Variants in ZNF131 observed in about 807,000 individuals in gnomAD.
ZNF131 encodes zinc finger protein 131.
ZNF131 carries 7 observed loss-of-function variants against 60.0 expected under a neutral mutation model. That is an observed-to-expected ratio of 0.12 (90% CI 0.07 to 0.22). The LOEUF is 0.22. Among genes scored for constraint, ZNF131 ranks in the 10% least tolerant of loss-of-function variants. The probability of loss-of-function intolerance (pLI) is 1.00; values close to 1 mark genes in which losing one functional copy is unlikely to be tolerated. For synonymous variants in ZNF131, 257 were observed against 253.2 expected (o/e 1.01, Z -0.14); for missense variants, 493 against 740.9 (o/e 0.67, Z 3.88).
At chr5:43,122,283 T>C (rs1743965161) in intron 2 of ZNF131, 106 bp downstream of exon 2, 1 of 1,336,462 alleles carries the variant, frequency 7.5e-7, no homozygotes, top group Non-Finnish European at 1.0e-6. Flanking sequence ...CCATCCTCTA[T>C]GGTCTCCCTA....
intron 2 of ZNF131, 26 bp downstream of exon 2, chr5:43,122,203 C>A (rs750114096): frequency 5.7e-6 from 9 of 1,566,064 alleles, no homozygotes; most frequent in Non-Finnish European, 7.7e-6. Context: ...GGCAGAGGAG[C>A]GAATTTTTGG....
chr5:43,137,481 C>T (rs1454575461), intron 3 of ZNF131, among the ~76,000 whole-genome samples: 1 of 150,510 alleles, frequency 6.6e-6, no homozygotes, highest in Non-Finnish European at 1.5e-5. Context: ...CCAACAGATA[C>T]ATGAAAAAAA....
intron 3 of ZNF131, among the ~76,000 whole-genome samples, chr5:43,134,382 A>G (rs1207113554): frequency 6.6e-6 from 1 of 152,198 alleles, no homozygotes; most frequent in Non-Finnish European, 1.5e-5. Flanking sequence ...TCTCAACATA[A>G]TAAAGGCCCA....
chr5:43,144,664 G>A (rs1747351993), intron 4 of ZNF131, among the ~76,000 whole-genome samples: 1 of 152,056 alleles, frequency 6.6e-6, no homozygotes, highest in Non-Finnish European at 1.5e-5. Context: ...GCCATTGATT[G>A]TTTTTTGACA....
chr5:43,132,385 C>T (rs934292939), intron 3 of ZNF131, among the ~76,000 whole-genome samples: 2 of 151,692 alleles, frequency 1.3e-5, no homozygotes, highest in African/African-American at 4.8e-5. Flanking sequence ...ATTCAGATTG[C>T]TTTTAGACGT....
At chr5:43,144,943 G>A (rs990282660) in intron 4 of ZNF131, among the ~76,000 whole-genome samples, 7 of 151,630 alleles carry the variant, frequency 4.6e-5, no homozygotes, top group African/African-American at 1.7e-4. Context: ...TCCTTACTGA[G>A]CCAAGCAGAT....
Position 43,120,962 on chromosome 5 carries a change from G to C in ZNF131, c.-177G>C, listed in dbSNP as rs918403560. ...CAACCGAACGCACGTGCGCCAGCGG[G>C]GCCCGAGCAGAAGGGGAGCCCCGGC... On this transcript the variant is annotated 5_prime_UTR_variant, in exon 1 of 7. Transcript: ENST00000682664. The C allele has an allele frequency of 3.9e-5, 6 of 152,260 alleles. No homozygotes were observed. The highest frequency in any genetic ancestry group is 1.4e-4 in the African/African-American group (6 of 41,472). The allele number at this position is 152,260 out of a possible 1,614,324, so 9.4% of individuals were successfully genotyped here.
intron 5 of ZNF131, among the ~76,000 whole-genome samples, chr5:43,167,652 T>C (rs1750525408): frequency 6.6e-6 from 1 of 152,150 alleles, no homozygotes; most frequent in African/African-American, 2.4e-5. Flanking sequence ...ATTTGGAAAA[T>C]AGTAATGATA....
chr5:43,161,146 A>G (rs535402475), intron 4 of ZNF131, 103 bp from the exon 5 acceptor site: 2 of 1,063,812 alleles, frequency 1.9e-6, no homozygotes, highest in South Asian at 1.6e-5. Context: ...GTCTTGTTTT[A>G]TAACTGTTTA....
chr5:43,139,079 C>G (rs762458378), intron 3 of ZNF131, 86 bp from the exon 4 acceptor site: 17 of 1,167,684 alleles, frequency 1.5e-5, no homozygotes, highest in Non-Finnish European at 1.9e-5. Context: ...CAACAAGCTC[C>G]AAGCCCTGGG....
At chr5:43,128,809 T>C (rs1744925605) in intron 3 of ZNF131, among the ~76,000 whole-genome samples, 1 of 151,794 alleles carries the variant, frequency 6.6e-6, no homozygotes, top group Admixed American at 6.6e-5. Context: ...TGGAGTGCAG[T>C]GTACCATCAT....
At chr5:43,150,921 C>T (rs939274495) in intron 4 of ZNF131, among the ~76,000 whole-genome samples, 1 of 152,212 alleles carries the variant, frequency 6.6e-6, no homozygotes. Context: ...ATCATGCACC[C>T]ACCACACTAA....
In ZNF131 at chr5:43,175,618, C is replaced by T. The variant is rs1003768680; in HGVS notation, c.*485C>T. The T allele has an allele frequency of 3.8e-6, 2 of 528,218 alleles. No individual in the cohort carries two copies. Among genetic ancestry groups the T allele is most frequent in the Non-Finnish European group, 6.6e-6 (2 of 302,956 alleles). 32.7% of individuals were successfully genotyped at this position (528,218 alleles called of 1,614,324 possible). A position where few individuals can be genotyped will look rare whatever the true frequency, so the allele number is the denominator to read the frequency against. On this transcript the variant is annotated 3_prime_UTR_variant, in exon 7 of 7. Coordinates refer to ENST00000682664, the MANE Select transcript of ZNF131 (RefSeq NM_001330707.2). The stretch of plus-strand genomic sequence containing the variant: ...TTACTGTGCAGTTAAATTTTGGCTT[C>T]TGGCTTTCTTTAGTTTGAACAAACG...
At chr5:43,132,679 T>C (rs1225815499) in intron 3 of ZNF131, among the ~76,000 whole-genome samples, 2 of 151,846 alleles carry the variant, frequency 1.3e-5, no homozygotes, top group East Asian at 3.9e-4. Flanking sequence ...CCCGGCTAAT[T>C]TTGTTATATT....
chr5:43,128,800 G>A (rs1244089659), intron 3 of ZNF131, among the ~76,000 whole-genome samples: 1 of 152,022 alleles, frequency 6.6e-6, no homozygotes, highest in Non-Finnish European at 1.5e-5. Context: ...CACCCAGGCT[G>A]GAGTGCAGTG....
At chr5:43,162,030 C>T (rs1483297026) in intron 5 of ZNF131, 99 bp downstream of exon 5, 2 of 1,141,084 alleles carry the variant, frequency 1.8e-6, no homozygotes, top group Non-Finnish European at 2.4e-6. Flanking sequence ...CAGAAGCCAT[C>T]TCATGTATTA....
chr5:43,144,237 C>CTTTT (rs935655531), intron 4 of ZNF131, among the ~76,000 whole-genome samples: 15 of 65,312 alleles, frequency 2.3e-4, no homozygotes, highest in African/African-American at 4.3e-4. Context: ...TTCTTTCTTT[C>CTTTT]TTTTTTTTTT....
chr5:43,153,362 C>T (rs1207123884), intron 4 of ZNF131, among the ~76,000 whole-genome samples: 1 of 148,620 alleles, frequency 6.7e-6, no homozygotes, highest in Non-Finnish European at 1.5e-5. Context: ...CGGTGGTTAA[C>T]GCCTGTAATC....
intron 4 of ZNF131, among the ~76,000 whole-genome samples, chr5:43,141,373 T>G (rs1746802381): frequency 6.6e-6 from 1 of 152,044 alleles, no homozygotes; most frequent in East Asian, 1.9e-4. Context: ...GATGTCAGAT[T>G]GTGGTTAAAT....
Sources: gnomAD v4.1 joint callset for allele counts (sites outside exome capture counted in the v4.1 genomes callset) on GRCh38, gnomAD v4.1.1 for gene constraint, MANE v1.5 for transcripts, NCBI Gene and HGNC (gene_info 2026-07-23, HGNC 2026-07-21) for gene names.